Variants in PPARD observed in about 807,000 individuals in gnomAD.
The protein encoded by PPARD is peroxisome proliferator activated receptor delta, also known as peroxisome proliferator-activated receptor delta.
A neutral mutation model predicts 39.5 loss-of-function variants in PPARD; 6 were observed. The observed-to-expected ratio is 0.15, with a 90% CI of 0.08 to 0.30. The LOEUF (loss-of-function observed/expected upper bound fraction) is 0.30, where lower values mean the gene tolerates loss of function less well. Ranked by LOEUF, PPARD falls within the 10% of genes least tolerant of loss-of-function variation. The pLI is 1.00. For synonymous variants in PPARD, 210 were observed against 231.3 expected, an observed-to-expected ratio of 0.91 and a Z score of 0.83; for missense variants, 397 against 596.8, an observed-to-expected ratio of 0.67 and a Z score of 3.49.
rs201709502 is a variant in PPARD, at chr6:35,424,024, A to G, written c.503A>G (p.Tyr168Cys). The change falls in exon 6 of 8, where the codon TAC becomes TGC. Residue 168 changes from tyrosine (Y) to cysteine (C), a missense_variant. Tyr to Cys is a radical substitution (Grantham distance 194, BLOSUM62 -2). Coordinates refer to ENST00000360694, the MANE Select transcript of PPARD (RefSeq NM_006238.5). This position sits in a 1 kb window ranked among gnomAD's most constrained non-coding sequence, Gnocchi z 7.1. ...AGLTANEGSQYNPQVADLKAF... is the reference protein window; with the variant it reads ...AGLTANEGSQCNPQVADLKAF... ...CTGACTGCAAACGAGGGGAGCCAGT[A>G]CAACCCACAGGTGGCCGACCTGAAG... 2.4e-5 allele frequency: 38 copies of G among 1,614,220 alleles called. No homozygotes were observed. The highest frequency in any genetic ancestry group is 3.1e-5 in the Non-Finnish European group (37 of 1,180,026).
intron 2 of PPARD, among the ~76,000 whole-genome samples, chr6:35,365,287 A>G (rs1394845515): frequency 6.7e-6 from 1 of 149,422 alleles, no homozygotes; most frequent in Non-Finnish European, 1.5e-5. Flanking sequence ...GCTTGCCACC[A>G]CACCCAGCTA....
rs1765508748 is a variant in PPARD at position 35,412,700 on chromosome 6, C to A, written c.130+1483C>A. On this transcript the variant is annotated intron_variant, in intron 3 of 7. Transcript: ENST00000360694. This position sits in a 1 kb window ranked among gnomAD's most constrained non-coding sequence, Gnocchi z 4.1. ...AGCCATCATTCAGTCCTTCTCATCTCACCCAGGATCACCTGGGAGTGACCA... is the reference window on the plus strand; with the variant it reads ...AGCCATCATTCAGTCCTTCTCATCTAACCCAGGATCACCTGGGAGTGACCA... Among the ~76,000 whole-genome samples, 1 of 152,156 alleles carries A rather than the reference C, an allele frequency of 6.6e-6. No homozygotes were observed.
At chr6:35,374,682 A>AAATATGT (rs1445219323) in intron 2 of PPARD, among the ~76,000 whole-genome samples, 1 of 151,908 alleles carries the variant, frequency 6.6e-6, no homozygotes, top group African/African-American at 2.4e-5. Context: ...AGAAAAGGAA[A>AAATATGT]AATATGTACA....
intron 2 of PPARD, among the ~76,000 whole-genome samples, chr6:35,351,305 G>GCA (rs1295008259): frequency 3.9e-5 from 6 of 152,140 alleles, no homozygotes; most frequent in African/African-American, 1.4e-4. Context: ...GATTACAGAT[G>GCA]TGAGCCACTG....
chr6:35,374,360 A>G (rs1207519617), intron 2 of PPARD, among the ~76,000 whole-genome samples: 2 of 150,150 alleles, frequency 1.3e-5, no homozygotes, highest in African/African-American at 2.5e-5. Flanking sequence ...GTTTTGTTTT[A>G]GAAGTAAAAA....
intron 2 of PPARD, among the ~76,000 whole-genome samples, chr6:35,376,141 G>A (rs1051360235): frequency 3.9e-5 from 6 of 152,150 alleles, no homozygotes; most frequent in African/African-American, 1.4e-4. Flanking sequence ...TAAAATGATT[G>A]TAGATAAACT....
intron 2 of PPARD, among the ~76,000 whole-genome samples, chr6:35,367,020 C>T (rs779290535): frequency 3.9e-5 from 6 of 152,152 alleles, no homozygotes; most frequent in East Asian, 1.9e-4. Context: ...CTTTGATGAC[C>T]GTGCCTTGAT....
rs1766580306 is a variant in PPARD, at chr6:35,426,395, A to C, written c.*316A>C. The C allele has an allele frequency of 2.1e-5, 8 of 389,554 alleles. No homozygotes were observed. The highest frequency in any genetic ancestry group is 3.2e-5 in the South Asian group (1 of 31,158). The allele number at this position is 389,554 out of a possible 1,614,324, so 24.1% of individuals were successfully genotyped here. A position where few individuals can be genotyped will look rare whatever the true frequency, so the allele number is the denominator to read the frequency against. ...TCCCTTGCCCTCCCTTTCTCTCTCC[A>C]CCCCCCACGTCTGTCCTCCTTTCTT... is the stretch of plus-strand genomic sequence containing the variant. On this transcript the variant is annotated 3_prime_UTR_variant, in exon 8 of 8. Coordinates refer to ENST00000360694, the MANE Select transcript of PPARD (RefSeq NM_006238.5).
intron 2 of PPARD, among the ~76,000 whole-genome samples, chr6:35,399,569 G>A (rs2150721225): frequency 6.6e-6 from 1 of 152,084 alleles, no homozygotes; most frequent in African/African-American, 2.4e-5. Context: ...ACAAAAATTA[G>A]TTGGGTGTGG....
intron 2 of PPARD, among the ~76,000 whole-genome samples, chr6:35,386,726 G>A (rs565550202): frequency 6.6e-6 from 1 of 152,130 alleles, no homozygotes; most frequent in Non-Finnish European, 1.5e-5. Context: ...GAAGAGCAAG[G>A]CTTCAGAATG....
intron 2 of PPARD, among the ~76,000 whole-genome samples, chr6:35,390,065 G>T (rs370695379): frequency 1.3e-5 from 2 of 152,198 alleles, no homozygotes; most frequent in Non-Finnish European, 2.9e-5. Flanking sequence ...CAGCCAAAGC[G>T]GACAGCTCGC....
intron 2 of PPARD, among the ~76,000 whole-genome samples, chr6:35,378,954 G>A (rs1025432883): frequency 2.0e-5 from 3 of 152,126 alleles, no homozygotes; most frequent in Admixed American, 6.5e-5. Flanking sequence ...AAGATCCCCA[G>A]ATTATCCATC....
At chr6:35,410,748 T>G (rs1765372322) in intron 2 of PPARD, among the ~76,000 whole-genome samples, 1 of 151,974 alleles carries the variant, frequency 6.6e-6, no homozygotes, top group African/African-American at 2.4e-5. Flanking sequence ...CCTCTCTAGT[T>G]TATGGAGCCT....
At chr6:35,405,786 T>A (rs2150751891) in intron 2 of PPARD, among the ~76,000 whole-genome samples, 1 of 151,704 alleles carries the variant, frequency 6.6e-6, no homozygotes. Context: ...TGCGCCACCA[T>A]GCCTGGCTAA....
At chr6:35,384,295 T>G (rs1250435472) in intron 2 of PPARD, among the ~76,000 whole-genome samples, 1 of 134,342 alleles carries the variant, frequency 7.4e-6, no homozygotes. Context: ...AGCCGCCCCG[T>G]CCGGGAGGGA....
rs538732561 is a variant in PPARD at position 35,425,539 on chromosome 6, A to G, written c.1079-293A>G. 46 of 811,700 alleles carry G rather than the reference A, an allele frequency of 5.7e-5. No individual in the cohort carries two copies. Among genetic ancestry groups the G allele is most frequent in the African/African-American group, 3.6e-4 (21 of 57,614 alleles). The allele number at this position is 811,700 out of a possible 1,614,324, so 50.3% of individuals were successfully genotyped here. On this transcript the variant is annotated intron_variant, in intron 7 of 7. Transcript: ENST00000360694. This position sits in a 1 kb window ranked among gnomAD's most constrained non-coding sequence, Gnocchi z 4.5. ...ATCAGAGAGGCTGAATGACCTGCCTATAGCCTCACAGGCAGACACAGGATT... is the reference window on the plus strand; with the variant it reads ...ATCAGAGAGGCTGAATGACCTGCCTGTAGCCTCACAGGCAGACACAGGATT...
intron 2 of PPARD, among the ~76,000 whole-genome samples, chr6:35,352,934 G>T (rs1229404088): frequency 6.6e-6 from 1 of 152,202 alleles, no homozygotes; most frequent in East Asian, 1.9e-4. Flanking sequence ...CTCAGGACCA[G>T]TTCAGATTCA....
At chr6:35,343,370 G>C (rs2150399542) in intron 1 of PPARD, among the ~76,000 whole-genome samples, 2 of 152,252 alleles carry the variant, frequency 1.3e-5, no homozygotes, top group South Asian at 4.2e-4. Context: ...GAGAGGCCCT[G>C]TTTTTGCTCC....
At chr6:35,357,672 G>A (rs1227301326) in intron 2 of PPARD, among the ~76,000 whole-genome samples, 1 of 152,052 alleles carries the variant, frequency 6.6e-6, no homozygotes, top group Non-Finnish European at 1.5e-5. Context: ...AAGTAGCTGG[G>A]ATTACAGGCA....
Sources: gnomAD v4.1 joint callset for allele counts (sites outside exome capture counted in the v4.1 genomes callset) on GRCh38, gnomAD v4.1.1 for gene constraint, Gnocchi (gnomAD v3.1) non-coding constraint, MANE v1.5 for transcripts, NCBI Gene and HGNC (gene_info 2026-07-23, HGNC 2026-07-21) for gene names.